The following NHLRC2 variants were observed in gnomAD, a reference collection of about 807,000 sequenced individuals.
NHLRC2 encodes NHL repeat containing 2.
In NHLRC2, 33 loss-of-function variants were observed where a neutral mutation model predicts 68.1. That is an observed-to-expected ratio of 0.48 (90% CI 0.37 to 0.65). NHLRC2 has a LOEUF of 0.65. Ranked by LOEUF, NHLRC2 falls within the 30% of genes least tolerant of loss-of-function variation. The pLI is 0.00. For synonymous variants in NHLRC2, 311 were observed against 309.6 expected (o/e 1.00, Z -0.05); for missense variants, 761 against 853.8 (o/e 0.89, Z 1.35).
chr10:113,913,681 A>G lies in NHLRC2; in HGVS notation c.*5145A>G, dbSNP rs1405878413. 2.6e-5 allele frequency: 4 copies of G among 152,194 alleles called. No homozygotes were observed. The highest frequency in any genetic ancestry group is 2.6e-4 in the Admixed American group (4 of 15,276). The allele number at this position is 152,194 out of a possible 1,614,324, so 9.4% of individuals were successfully genotyped here. A position where few individuals can be genotyped will look rare whatever the true frequency, so the allele number is the denominator to read the frequency against. ...TTTTGTTGTATTAAATATTAGTCCA[A>G]GTGAGCTCTGGAAATACAGTCTTCT... On this transcript the variant is annotated 3_prime_UTR_variant, in exon 11 of 11. Transcript: ENST00000369301.
chr10:113,908,742 G>C lies in NHLRC2; in HGVS notation c.*206G>C. 1 of 574,698 alleles carries C rather than the reference G, an allele frequency of 1.7e-6. No individual in the cohort carries two copies. Among genetic ancestry groups the C allele is most frequent in the South Asian group, 2.1e-5 (1 of 46,756 alleles). The allele number at this position is 574,698 out of a possible 1,614,324, so 35.6% of individuals were successfully genotyped here. Reference sequence around the variant, plus strand: ...AATTCCTTTGCTTTGGCTGATACTAGCTGAGTCATTGATCATCATTGGTAC... The same window carrying C: ...AATTCCTTTGCTTTGGCTGATACTACCTGAGTCATTGATCATCATTGGTAC... On this transcript the variant is annotated 3_prime_UTR_variant, in exon 11 of 11. Coordinates refer to ENST00000369301, the MANE Select transcript of NHLRC2 (RefSeq NM_198514.4).
In NHLRC2 at chr10:113,902,562, T is replaced by G; in HGVS notation, c.1463T>G (p.Leu488Ter). Residue 488 changes from leucine to a stop codon, truncating the protein, a stop_gained, in exon 8 of 11, where the codon TTA (leucine) becomes TGA (stop). Transcript: ENST00000369301. LOFTEE classifies it high-confidence loss of function. ...GTAACATGGGACAAAAAAAGGAATTTACTTTATGTTGCAGACTCCTACAAT... is the reference window on the plus strand; with the variant it reads ...GTAACATGGGACAAAAAAAGGAATTGACTTTATGTTGCAGACTCCTACAAT... Reference protein sequence around the residue: ...LGVTWDKKRNLLYVADSYNHK... With the variant: ...LGVTWDKKRN 1.2e-6 allele frequency: 2 copies of G among 1,610,212 alleles called. No homozygotes were observed. The highest frequency in any genetic ancestry group is 1.7e-6 in the Non-Finnish European group (2 of 1,178,236).
chr10:113,887,667 G>A (rs1317734322), intron 5 of NHLRC2, among the ~76,000 whole-genome samples: 1 of 152,182 alleles, frequency 6.6e-6, no homozygotes, highest in Non-Finnish European at 1.5e-5. Flanking sequence ...AGCTACTTGG[G>A]AGGCTGAGGT....
intron 5 of NHLRC2, among the ~76,000 whole-genome samples, chr10:113,889,897 G>A (rs780127568): frequency 9.9e-5 from 15 of 152,162 alleles, no homozygotes; most frequent in Middle Eastern, 3.2e-3. Flanking sequence ...GTAGTAGTTC[G>A]TTGTATGGCT....
At chr10:113,898,528 GAC>G (rs1431906123) in intron 6 of NHLRC2, among the ~76,000 whole-genome samples, 1 of 152,166 alleles carries the variant, frequency 6.6e-6, no homozygotes, top group Non-Finnish European at 1.5e-5. Context: ...ACTCAGAAGT[GAC>G]ACACGTCACT....
chr10:113,875,723 G>C (rs1376508829), intron 2 of NHLRC2, among the ~76,000 whole-genome samples: 2 of 152,106 alleles, frequency 1.3e-5, no homozygotes, highest in African/African-American at 4.8e-5. Context: ...ATTCGGAATT[G>C]ATAGTTATAA....
Position 113,898,183 on chromosome 10 carries a change from G to C in NHLRC2, c.1113G>C (p.Leu371=). The C allele has an allele frequency of 1.9e-6, 3 of 1,612,574 alleles. No homozygotes were observed. Among genetic ancestry groups the C allele is most frequent in the Non-Finnish European group, 2.5e-6 (3 of 1,178,718 alleles). The change falls in exon 6 of 11, where the codon CTG becomes CTC. Residue 371 remains leucine, a synonymous_variant. Coordinates refer to ENST00000369301, the MANE Select transcript of NHLRC2 (RefSeq NM_198514.4). ...AGTHQIWALL[L]DSGKLPKKNE... is the part of the protein sequence containing the mutation. ...CTCATCAGATATGGGCACTCCTGCT[G>C]GACTCTGGCAAACTGCCAAAGAAAA...
intron 5 of NHLRC2, among the ~76,000 whole-genome samples, chr10:113,885,555 G>A (rs1846073834): frequency 6.6e-6 from 1 of 151,766 alleles, no homozygotes; most frequent in South Asian, 2.1e-4. Flanking sequence ...TTACCTCCCT[G>A]CCTTATTTGC....
At chr10:113,872,491 G>C (rs1411188647) in intron 2 of NHLRC2, among the ~76,000 whole-genome samples, 2 of 151,818 alleles carry the variant, frequency 1.3e-5, no homozygotes, top group East Asian at 3.9e-4. Flanking sequence ...TGACAAAACT[G>C]TAACACCTTG....
Position 113,876,855 on chromosome 10 carries a change from A to G in NHLRC2, c.666A>G (p.Pro222=), listed in dbSNP as rs1845987489. 4 of 1,612,538 alleles carry G rather than the reference A, an allele frequency of 2.5e-6. No homozygotes were observed. Among genetic ancestry groups the G allele is most frequent in the South Asian group, 1.1e-5 (1 of 91,046 alleles). ...ATAAAGATTCTTTGCCACCTTCACC[A>G]TTGCTATTTCCTGGCAAAGTAACAG... The part of the protein sequence containing the change: ...KLYKDSLPPS[P]LLFPGKVTVD... Residue 222 remains proline, a synonymous_variant, in exon 3 of 11, where the codon CCA becomes CCG. Coordinates refer to ENST00000369301, the MANE Select transcript of NHLRC2 (RefSeq NM_198514.4).
At chr10:113,880,180 GTCCCCTGA>G (rs750282726) in intron 4 of NHLRC2, among the ~76,000 whole-genome samples, 5 of 151,832 alleles carry the variant, frequency 3.3e-5, no homozygotes, top group African/African-American at 9.7e-5. Context: ...GTAAAAAAAA[GTCCCCTGA>G]CCATCAATTC....
Position 113,901,832 on chromosome 10 carries a change from G to A in NHLRC2, c.1306G>A (p.Val436Met). ...TGTAGCAGATAGTGAGAGCAGTACA[G>A]TGAGAACCGTTTCACTGAAAGATGG... ...LFVADSESSTVRTVSLKDGAV... is the reference protein window; with the variant it reads ...LFVADSESSTMRTVSLKDGAV... The change falls in exon 7 of 11, where the codon GTG (valine) becomes ATG (methionine). Residue 436 changes from valine to methionine, a missense_variant. By Grantham distance (21) the Val-to-Met change is conservative (BLOSUM62 1). Transcript: ENST00000369301. 1 of 1,614,154 alleles carries A rather than the reference G, an allele frequency of 6.2e-7. No individual in the cohort carries two copies. Among genetic ancestry groups the A allele is most frequent in the Non-Finnish European group, 8.5e-7 (1 of 1,180,006 alleles).
intron 5 of NHLRC2, among the ~76,000 whole-genome samples, chr10:113,886,017 T>G (rs759646809): frequency 2.0e-5 from 3 of 152,016 alleles, no homozygotes; most frequent in Admixed American, 6.6e-5. Context: ...CAAAAGACTA[T>G]TAGAGCTGAT....
intron 3 of NHLRC2, among the ~76,000 whole-genome samples, chr10:113,877,495 T>C (rs1051513123): frequency 6.6e-6 from 1 of 152,154 alleles, no homozygotes; most frequent in African/African-American, 2.4e-5. Flanking sequence ...TCTGGATCTA[T>C]TTCCAGAATA....
At chr10:113,906,550 AG>A (rs1204096297) in intron 10 of NHLRC2, among the ~76,000 whole-genome samples, 3 of 148,742 alleles carry the variant, frequency 2.0e-5, no homozygotes, top group African/African-American at 7.8e-5. Flanking sequence ...AAAAAAAAAA[AG>A]GCAGCATAAA....
chr10:113,864,138 T>A (rs1353629589), intron 2 of NHLRC2, among the ~76,000 whole-genome samples: 2 of 152,148 alleles, frequency 1.3e-5, no homozygotes, highest in African/African-American at 4.8e-5. Flanking sequence ...TTACAAAAAT[T>A]CAAATACTAC....
Position 113,876,868 on chromosome 10 carries a change from G to A in NHLRC2, c.679G>A (p.Gly227Ser), listed in dbSNP as rs1845987734. The change falls in exon 3 of 11, where the codon GGC becomes AGC. Residue 227 changes from glycine (G) to serine (S), a missense_variant. Gly to Ser is a moderately conservative substitution (Grantham distance 56, BLOSUM62 0). Coordinates refer to ENST00000369301, the MANE Select transcript of NHLRC2 (RefSeq NM_198514.4). ...SLPPSPLLFP[G>S]KVTVDQVTDR... ...GCCACCTTCACCATTGCTATTTCCT[G>A]GCAAAGTAACAGTAGACCAAGTTAC... The A allele has an allele frequency of 6.2e-7, 1 of 1,612,576 alleles. No homozygotes were observed. Among genetic ancestry groups the A allele is most frequent in the Non-Finnish European group, 8.5e-7 (1 of 1,179,072 alleles).
chr10:113,908,363 C>G lies in NHLRC2; in HGVS notation c.2008C>G (p.Pro670Ala). The part of the protein sequence containing the change: ...SSQPTISLQI[P>A]DDCLSLEAIV... The stretch of plus-strand genomic sequence containing the variant: ...TCAACCAACAATTTCACTACAAATT[C>G]CTGATGATTGCTTATCACTTGAAGC... Residue 670 changes from proline to alanine, a missense_variant, in exon 11 of 11, where the codon CCT (proline) becomes GCT (alanine). Physicochemically the swap from Pro to Ala is conservative, Grantham distance 27. Coordinates refer to ENST00000369301, the MANE Select transcript of NHLRC2 (RefSeq NM_198514.4). 1 of 1,613,894 alleles carries G rather than the reference C, an allele frequency of 6.2e-7. No homozygotes were observed. The highest frequency in any genetic ancestry group is 8.5e-7 in the Non-Finnish European group (1 of 1,179,790).
At chr10:113,895,838 A>T (rs1003809893) in intron 5 of NHLRC2, among the ~76,000 whole-genome samples, 1 of 152,204 alleles carries the variant, frequency 6.6e-6, no homozygotes, top group South Asian at 2.1e-4. Flanking sequence ...TTAGTGGTCT[A>T]TCACATTACC....
Sources: allele counts gnomAD v4.1 joint callset (sites outside exome capture counted in the v4.1 genomes callset), GRCh38; gene constraint gnomAD v4.1.1; transcripts MANE v1.5; gene names NCBI Gene and HGNC (gene_info 2026-07-23, HGNC 2026-07-21).